The following SV2C variants were observed in gnomAD, a reference collection of about 807,000 sequenced individuals.
SV2C encodes the protein solute carrier family 22 member B3.
SV2C carries 49 observed loss-of-function variants against 79.7 expected under a neutral mutation model. The observed-to-expected ratio is 0.61, with a 90% CI of 0.49 to 0.78. The LOEUF (loss-of-function observed/expected upper bound fraction) is 0.78. Among genes scored for constraint, SV2C ranks in the 30% least tolerant of loss-of-function variants. The probability of loss-of-function intolerance (pLI) is 0.00; values close to 1 mark genes in which losing one functional copy is unlikely to be tolerated. For synonymous variants in SV2C, 334 were observed against 333.2 expected, an observed-to-expected ratio of 1.00 and a Z score of -0.03; for missense variants, 833 against 912.9, an observed-to-expected ratio of 0.91 and a Z score of 1.13.
At chr5:76,293,258 T>A (rs1045845041) in intron 8 of SV2C, among the ~76,000 whole-genome samples, 2 of 152,208 alleles carry the variant, frequency 1.3e-5, no homozygotes, top group African/African-American at 4.8e-5. Flanking sequence ...AAGTGCTTAC[T>A]CTGTACCTAA....
intron 12 of SV2C, among the ~76,000 whole-genome samples, chr5:76,349,179 T>C (rs1749599972): frequency 6.6e-6 from 1 of 152,132 alleles, no homozygotes; most frequent in Non-Finnish European, 1.5e-5. Context: ...ATGTAAAGTA[T>C]TTAGAACAGT....
At chr5:76,041,304 T>A in the SV2C span, among the ~76,000 whole-genome samples, 1 of 152,212 alleles carries the variant, frequency 6.6e-6, no homozygotes, top group Non-Finnish European at 1.5e-5. Context: ...CACAGTCAGC[T>A]CCTTCTCTTC....
intron 4 of SV2C, among the ~76,000 whole-genome samples, chr5:76,226,888 A>G (rs1278005304): frequency 6.6e-6 from 1 of 152,206 alleles, no homozygotes; most frequent in Non-Finnish European, 1.5e-5. Flanking sequence ...GCCCATGATC[A>G]CTGGCTGTGT....
chr5:76,007,995 T>C, the SV2C span, among the ~76,000 whole-genome samples: 24 of 152,284 alleles, frequency 1.6e-4, no homozygotes, highest in Non-Finnish European at 3.1e-4. Flanking sequence ...CTAATGCCGG[T>C]GGCAACAGGT....
chr5:75,874,288 A>T, the SV2C span, among the ~76,000 whole-genome samples: 1 of 152,216 alleles, frequency 6.6e-6, no homozygotes, highest in East Asian at 1.9e-4. Flanking sequence ...ACATAAAAAG[A>T]ACTAAAGACA....
At chr5:76,045,639 T>C in the SV2C span, among the ~76,000 whole-genome samples, 2 of 152,230 alleles carry the variant, frequency 1.3e-5, no homozygotes, top group East Asian at 3.8e-4. Context: ...TCCAGAATGC[T>C]GCTTTTGGGC....
At chr5:76,256,078 G>A (rs1746256200) in intron 4 of SV2C, among the ~76,000 whole-genome samples, 1 of 152,144 alleles carries the variant, frequency 6.6e-6, no homozygotes. Context: ...TTGCTCTCAA[G>A]GGCACATGCT....
chr5:75,946,567 A>G, the SV2C span, among the ~76,000 whole-genome samples: 9,432 of 152,094 alleles, frequency 0.062, 746 homozygotes, highest in African/African-American at 0.18. Context: ...CCTTTGCATT[A>G]CCGTATGAAT....
chr5:75,899,531 ATGTATATTC>A, the SV2C span, among the ~76,000 whole-genome samples: 1 of 152,094 alleles, frequency 6.6e-6, no homozygotes, highest in Non-Finnish European at 1.5e-5. Flanking sequence ...GCTGAAAAAA[ATGTATATTC>A]TGTTGATTTG....
At position 76,158,412 on chromosome 5, in the gene SV2C, A is replaced by G. The variant is rs1249031698; in HGVS notation, c.580+26082A>G. Among the ~76,000 whole-genome samples the G allele has an allele frequency of 2.6e-5, 4 of 151,954 alleles. No individual in the cohort carries two copies. In the East Asian group the frequency reaches 7.7e-4, roughly 29 times the overall value. On this transcript the variant is annotated intron_variant, in intron 2 of 12. Coordinates refer to ENST00000502798, the MANE Select transcript of SV2C (RefSeq NM_014979.4). ...GCTGGAGAGGCTATGTTAATATCAG[A>G]CAAAATAGACGTTAAAAAAAAAAAG...
chr5:75,920,093 A>G, the SV2C span, among the ~76,000 whole-genome samples: 2 of 152,236 alleles, frequency 1.3e-5, no homozygotes, highest in African/African-American at 4.8e-5. Context: ...AAAGGAATTG[A>G]CTACGTCACT....
chr5:76,144,220 C>G (rs191465465), intron 2 of SV2C, among the ~76,000 whole-genome samples: 185 of 152,290 alleles, frequency 1.2e-3, no homozygotes, highest in African/African-American at 4.2e-3. Flanking sequence ...TGGAATATTG[C>G]TTATTTCTGC....
the SV2C span, among the ~76,000 whole-genome samples, chr5:75,857,240 A>AT: frequency 1.3e-5 from 2 of 152,206 alleles, no homozygotes; most frequent in Admixed American, 6.5e-5. Flanking sequence ...TACAGGTGTG[A>AT]GCCACCGCGC....
the SV2C span, among the ~76,000 whole-genome samples, chr5:76,020,267 T>C: frequency 6.6e-6 from 1 of 152,110 alleles, no homozygotes; most frequent in East Asian, 1.9e-4. Context: ...TTGCAGAGTG[T>C]AGAGTCTGTG....
chr5:76,209,842 G>A lies in SV2C; in HGVS notation c.868G>A (p.Gly290Ser). 2.5e-6 allele frequency: 4 copies of A among 1,614,238 alleles called. No individual in the cohort carries two copies. The highest frequency in any genetic ancestry group is 3.4e-6 in the Non-Finnish European group (4 of 1,180,046). Reference sequence around the variant, plus strand: ...GCTCTGCATGTTCTGGATGATCGGTGGCATCTACGCCTCTGCCATGGCCTG... The same window carrying A: ...GCTCTGCATGTTCTGGATGATCGGTAGCATCTACGCCTCTGCCATGGCCTG... ...SWLCMFWMIG[G>S]IYASAMAWAI... The change falls in exon 4 of 13, where the codon GGC (glycine) becomes AGC (serine). Residue 290 changes from glycine to serine, a missense_variant. By Grantham distance (56) the Gly-to-Ser change is moderately conservative (BLOSUM62 0). Coordinates refer to ENST00000502798, the MANE Select transcript of SV2C (RefSeq NM_014979.4).
the SV2C span, among the ~76,000 whole-genome samples, chr5:76,023,610 C>T: frequency 6.7e-6 from 1 of 148,824 alleles, no homozygotes; most frequent in Non-Finnish European, 1.5e-5. Context: ...GGTATGAATA[C>T]TTTCATACTT....
the SV2C span, among the ~76,000 whole-genome samples, chr5:76,065,980 C>T: frequency 2.0e-5 from 3 of 152,044 alleles, no homozygotes; most frequent in Admixed American, 6.6e-5. Context: ...TTCCTTAACC[C>T]CTCAAATAGC....
the SV2C span, among the ~76,000 whole-genome samples, chr5:76,012,672 T>C: frequency 6.6e-6 from 1 of 152,230 alleles, no homozygotes; most frequent in South Asian, 2.1e-4. Flanking sequence ...AGTCATGAAG[T>C]CTTTGCCCAT....
intron 5 of SV2C, 159 bp downstream of exon 5, chr5:76,285,454 AC>A: frequency 9.4e-7 from 1 of 1,059,164 alleles, no homozygotes; most frequent in Non-Finnish European, 1.3e-6. Flanking sequence ...GCTTTCAACA[AC>A]CAACATGTAA....
Sources: allele counts gnomAD v4.1 joint callset (sites outside exome capture counted in the v4.1 genomes callset), GRCh38; gene constraint gnomAD v4.1.1; transcripts MANE v1.5; gene names NCBI Gene and HGNC (gene_info 2026-07-23, HGNC 2026-07-21).